LRRC4C: variants seen among roughly 807,000 people sequenced by gnomAD.
LRRC4C encodes leucine rich repeat containing 4C.
A neutral mutation model predicts 33.6 loss-of-function variants in LRRC4C; 5 were observed. That is an observed-to-expected ratio of 0.15 (90% confidence interval 0.08 to 0.31). LRRC4C has a LOEUF of 0.31. Ranked by LOEUF, LRRC4C falls within the 10% of genes least tolerant of loss-of-function variation. The probability of loss-of-function intolerance (pLI) is 1.00; values close to 1 mark genes in which losing one functional copy is unlikely to be tolerated. For missense variants in LRRC4C, 560 were observed against 796.7 expected, an observed-to-expected ratio of 0.70 and a Z score of 3.58; for synonymous variants, 329 against 302.0, an observed-to-expected ratio of 1.09 and a Z score of -0.93.
At chr11:40,665,921 A>G in intron 2 of LRRC4C, among the ~76,000 whole-genome samples, 1 of 152,242 alleles carries the variant, frequency 6.6e-6, no homozygotes, top group East Asian at 1.9e-4. Flanking sequence ...TTATTTATGT[A>G]TATACAAATA....
intron 3 of LRRC4C, among the ~76,000 whole-genome samples, chr11:40,430,841 G>GC (rs1950893025): frequency 6.8e-6 from 1 of 148,006 alleles, no homozygotes; most frequent in South Asian, 2.2e-4. Flanking sequence ...GTAAACTATC[G>GC]CAAGAACAAA....
intron 3 of LRRC4C, among the ~76,000 whole-genome samples, chr11:40,430,258 C>T (rs888233511): frequency 7.6e-5 from 10 of 131,534 alleles, no homozygotes; most frequent in African/African-American, 2.7e-4. Context: ...GAAAAGTGCA[C>T]GTATGGGGGG....
intron 1 of LRRC4C, among the ~76,000 whole-genome samples, chr11:41,303,031 A>C (rs546830167): frequency 6.6e-6 from 1 of 152,136 alleles, no homozygotes; most frequent in East Asian, 1.9e-4. Flanking sequence ...TATTTTGTTC[A>C]TCATGTTTTT....
chr11:41,384,399 T>C (rs1427436652), intron 1 of LRRC4C, among the ~76,000 whole-genome samples: 2 of 151,804 alleles, frequency 1.3e-5, no homozygotes, highest in African/African-American at 4.8e-5. Flanking sequence ...CAATACTTCA[T>C]ACAACAGTAG....
At chr11:40,646,706 A>G (rs1942484274) in intron 3 of LRRC4C, among the ~76,000 whole-genome samples, 1 of 152,122 alleles carries the variant, frequency 6.6e-6, no homozygotes, top group African/African-American at 2.4e-5. Flanking sequence ...CTCCGGGTTC[A>G]CGCCATTCTC....
At chr11:40,694,989 T>A (rs1945418653) in intron 2 of LRRC4C, among the ~76,000 whole-genome samples, 1 of 152,162 alleles carries the variant, frequency 6.6e-6, no homozygotes, top group African/African-American at 2.4e-5. Context: ...TCAGCTCTTC[T>A]GTTCCTGTCA....
intron 3 of LRRC4C, among the ~76,000 whole-genome samples, chr11:40,330,713 A>G (rs533960573): frequency 1.1e-4 from 17 of 152,228 alleles, no homozygotes; most frequent in South Asian, 2.1e-4. Context: ...CTTACTCACT[A>G]TCATGAGAAC....
At chr11:40,567,690 C>T (rs996553173) in intron 3 of LRRC4C, among the ~76,000 whole-genome samples, 1 of 152,168 alleles carries the variant, frequency 6.6e-6, no homozygotes, top group Non-Finnish European at 1.5e-5. Flanking sequence ...CATCACTTAG[C>T]AGTGATAATA....
intron 3 of LRRC4C, among the ~76,000 whole-genome samples, chr11:40,366,428 G>C (rs927805420): frequency 1.3e-5 from 2 of 152,028 alleles, no homozygotes; most frequent in Non-Finnish European, 2.9e-5. Context: ...GTTCAGAATA[G>C]AATTTGTGGG....
At chr11:40,940,269 G>C (rs1958084234) in intron 1 of LRRC4C, among the ~76,000 whole-genome samples, 1 of 152,020 alleles carries the variant, frequency 6.6e-6, no homozygotes, top group African/African-American at 2.4e-5. Flanking sequence ...AAAAAGCCTA[G>C]GCACGTAGTA....
At chr11:40,332,950 T>C (rs1946428699) in intron 3 of LRRC4C, among the ~76,000 whole-genome samples, 2 of 152,216 alleles carry the variant, frequency 1.3e-5, no homozygotes, top group African/African-American at 4.8e-5. Context: ...AAATGGTAAG[T>C]TATTTAAACG....
intron 2 of LRRC4C, among the ~76,000 whole-genome samples, chr11:40,912,892 C>G (rs1956766987): frequency 6.6e-6 from 1 of 152,128 alleles, no homozygotes; most frequent in East Asian, 1.9e-4. Flanking sequence ...GCAGGGGTTG[C>G]AATCCTAGTC....
At chr11:41,018,069 AC>A (rs869288593) in intron 1 of LRRC4C, among the ~76,000 whole-genome samples, 2 of 101,862 alleles carry the variant, frequency 2.0e-5, no homozygotes, top group East Asian at 2.7e-4. Flanking sequence ...TATTCCATGG[AC>A]CAGGGGCAAT....
Position 40,512,406 on chromosome 11 carries a change from C to A in LRRC4C, c.-270+135736G>T, listed in dbSNP as rs145414150. Among the ~76,000 whole-genome samples, 1,094 of 151,838 alleles carry A rather than the reference C, an allele frequency of 7.2e-3. 16 individuals are homozygous for A. The highest frequency in any genetic ancestry group is 0.025 in the African/African-American group (1,047 of 41,360). On this transcript the variant is annotated intron_variant, in intron 3 of 6. Transcript: ENST00000528697. ...AAACAAAAACAAACAAATGAAAAAA[C>A]CAAAACCAAAACAAAACAAAATAAA...
At chr11:41,167,904 T>G (rs1426853874) in intron 1 of LRRC4C, among the ~76,000 whole-genome samples, 13 of 152,204 alleles carry the variant, frequency 8.5e-5, no homozygotes. Context: ...AACAGGAGAT[T>G]ATTTCTCAGC....
At chr11:40,954,609 A>C (rs1029105372) in intron 1 of LRRC4C, among the ~76,000 whole-genome samples, 3 of 151,966 alleles carry the variant, frequency 2.0e-5, no homozygotes, top group Admixed American at 2.0e-4. Flanking sequence ...AGACCATATA[A>C]AGTATGGTTA....
chr11:40,115,770 G>A lies in LRRC4C; in HGVS notation c.523C>T (p.Arg175Cys), dbSNP rs1297725392. ...TTCAATTCCCCTAAGTCTAGTCGGCGCAAAGAAGGAATTCTGTTAAAAGCA... is the reference window on the plus strand; with the variant it reads ...TTCAATTCCCCTAAGTCTAGTCGGCACAAAGAAGGAATTCTGTTAAAAGCA... ...SYAFNRIPSLRRLDLGELKRL... is the reference protein window; with the variant it reads ...SYAFNRIPSLCRLDLGELKRL... The change falls in exon 7 of 7, where the codon CGC becomes TGC. Residue 175 changes from arginine (R) to cysteine (C), a missense_variant. Arg to Cys is a radical substitution (Grantham distance 180, BLOSUM62 -3). This residue lies in a region of LRRC4C where 455 missense variants were observed against 643.8 expected (regional missense o/e 0.71). Transcript: ENST00000528697. The surrounding 1 kb of genome is among the most constrained non-coding windows in gnomAD (Gnocchi z 6.7). 8.7e-6 allele frequency: 14 copies of A among 1,614,024 alleles called. No individual in the cohort carries two copies. Among genetic ancestry groups the A allele is most frequent in the South Asian group, 1.1e-5 (1 of 91,086 alleles).
chr11:40,367,513 A>T (rs1210980753), intron 3 of LRRC4C, among the ~76,000 whole-genome samples: 1 of 152,094 alleles, frequency 6.6e-6, no homozygotes. Flanking sequence ...AATGCAATGC[A>T]TGGAGGCCAC....
At chr11:40,952,884 ACACACACACACACTCTCTCT>A (rs1202627294) in intron 1 of LRRC4C, among the ~76,000 whole-genome samples, 60 of 96,116 alleles carry the variant, frequency 6.2e-4, no homozygotes, top group African/African-American at 1.9e-3. Context: ...ACACACACAC[ACACACACACACACTCTCTCT>A]CTCTCTCTCT....
Sources: allele counts gnomAD v4.1 joint callset (sites outside exome capture counted in the v4.1 genomes callset), GRCh38; gene constraint gnomAD v4.1.1; regional missense constraint gnomAD v4.1.1; non-coding constraint Gnocchi (gnomAD v3.1); transcripts MANE v1.5; gene names NCBI Gene and HGNC (gene_info 2026-07-23, HGNC 2026-07-21).